The following NTRK3 variants were observed in gnomAD, a reference collection of about 807,000 sequenced individuals.
NTRK3 encodes the protein neurotrophic receptor tyrosine kinase 3, also known as NT-3 growth factor receptor.
In NTRK3, 24 loss-of-function variants were observed where a neutral mutation model predicts 91.7. That is an observed-to-expected ratio of 0.26 (90% CI 0.19 to 0.37). The LOEUF is 0.37. NTRK3 is among the 10% of genes least tolerant of loss of function. NTRK3 has a pLI of 1.00. For missense variants in NTRK3, 880 were observed against 1,068.9 expected (o/e 0.82, Z 2.46); for synonymous variants, 483 against 404.0 (o/e 1.20, Z -2.34).
chr15:88,183,553 G>GAGGCTGGCAGGGGGTGAGGCTA, intron 4 of NTRK3, 64 bp from the exon 5 acceptor site: 1 of 1,479,304 alleles, frequency 6.8e-7, no homozygotes, highest in Non-Finnish European at 9.5e-7. Context: ...GCTCTGGGCT[G>GAGGCTGGCAGGGGGTGAGGCTA]AGGCTGGCAG....
exon 19 of NTRK3, chr15:87,871,880 C>T (rs887499616): frequency 1.4e-5 from 3 of 221,218 alleles, no homozygotes; most frequent in African/African-American, 4.5e-5. Flanking sequence ...AACACCAAAA[C>T]ATTTTCCCAA....
At chr15:87,946,898 T>TTC (rs1567139033) in intron 14 of NTRK3, among the ~76,000 whole-genome samples, 1 of 129,178 alleles carries the variant, frequency 7.7e-6, no homozygotes, top group African/African-American at 3.4e-5. Context: ...TTTTTTTTTT[T>TTC]TGAGATGGAA....
intron 17 of NTRK3, among the ~76,000 whole-genome samples, chr15:87,912,929 A>ATATATAT (rs1555435273): frequency 0.035 from 518 of 14,660 alleles, 2 homozygotes; most frequent in South Asian, 0.062. Flanking sequence ...AAAGTAAAAA[A>ATATATAT]AAATATATAT....
At position 87,954,693 on chromosome 15, in the gene NTRK3, T is replaced by A. The variant is rs574912148; in HGVS notation, c.1586-13940A>T. On this transcript the variant is annotated intron_variant, in intron 14 of 18. Transcript: ENST00000394480. ...TTCTAGCTGGCCAGGGTTTGGGAAA[T>A]GGAATTTGCTGTTCAGTGCCCATGG... Among the ~76,000 whole-genome samples the A allele has an allele frequency of 9.8e-5, 15 of 152,344 alleles. No individual in the cohort carries two copies. The East Asian group carries it at 1.5e-3, about 16-fold the overall frequency.
intron 3 of NTRK3, among the ~76,000 whole-genome samples, chr15:88,238,526 C>G (rs781144919): frequency 6.6e-6 from 1 of 152,208 alleles, no homozygotes; most frequent in African/African-American, 2.4e-5. Context: ...CTCTCTCCCT[C>G]TCTCCCTAGA....
intron 14 of NTRK3, among the ~76,000 whole-genome samples, chr15:87,974,029 G>C (rs979536073): frequency 6.6e-6 from 1 of 152,128 alleles, no homozygotes; most frequent in Non-Finnish European, 1.5e-5. Context: ...TGATCTGCCC[G>C]CTCCTGAGCT....
chr15:88,007,771 T>A (rs1466570841), intron 14 of NTRK3, among the ~76,000 whole-genome samples: 1 of 152,206 alleles, frequency 6.6e-6, no homozygotes, highest in Non-Finnish European at 1.5e-5. Flanking sequence ...TCTTCCTGTC[T>A]TCTGCACACA....
intron 14 of NTRK3, among the ~76,000 whole-genome samples, chr15:87,966,493 G>C (rs193158751): frequency 6.6e-6 from 1 of 152,040 alleles, no homozygotes; most frequent in Non-Finnish European, 1.5e-5. Flanking sequence ...AAGGGGTCTC[G>C]CGTACATATG....
At chr15:88,078,034 C>G (rs1271989935) in intron 13 of NTRK3, among the ~76,000 whole-genome samples, 3 of 152,226 alleles carry the variant, frequency 2.0e-5, no homozygotes, top group Non-Finnish European at 4.4e-5. Flanking sequence ...GCAGCAAAGA[C>G]AGCAACCCCC....
chr15:88,223,832 G>C (rs1315988878), intron 3 of NTRK3, among the ~76,000 whole-genome samples: 2 of 152,182 alleles, frequency 1.3e-5, no homozygotes, highest in Non-Finnish European at 2.9e-5. Context: ...TTCGGCCCAG[G>C]GTAGAGGCTA....
intron 3 of NTRK3, among the ~76,000 whole-genome samples, chr15:88,214,796 A>G (rs1041018298): frequency 2.6e-5 from 4 of 151,886 alleles, no homozygotes; most frequent in Non-Finnish European, 5.9e-5. Context: ...TGAATTTACC[A>G]TTTTGTCCCA....
intron 3 of NTRK3, among the ~76,000 whole-genome samples, chr15:88,189,139 T>G (rs530208286): frequency 3.9e-5 from 6 of 152,268 alleles, no homozygotes; most frequent in East Asian, 1.9e-4. Context: ...GGTAGACCCC[T>G]GGGATCAAGA....
rs1408901445 is a variant in NTRK3, at chr15:88,000,389, T to C, written c.1585+32468A>G. The stretch of plus-strand genomic sequence containing the variant: ...GCAGTGTATACCAGGCAGGGTTTTT[T>C]TCTCTTAGAATCATTTATGGAAATA... On this transcript the variant is annotated intron_variant, in intron 14 of 18. Coordinates refer to ENST00000394480, the Ensembl canonical transcript of NTRK3. Among the ~76,000 whole-genome samples, 8 of 152,278 alleles carry C rather than the reference T, an allele frequency of 5.3e-5. No individual in the cohort carries two copies. In the South Asian group the frequency reaches 1.7e-3, roughly 32 times the overall value.
At chr15:88,172,814 C>T (rs564755555) in intron 5 of NTRK3, among the ~76,000 whole-genome samples, 19 of 152,196 alleles carry the variant, frequency 1.2e-4, no homozygotes, top group Admixed American at 9.2e-4. Context: ...GACCACAGGG[C>T]GTCTGGAGGA....
At chr15:88,048,508 C>G (rs1216997460) in intron 13 of NTRK3, among the ~76,000 whole-genome samples, 1 of 152,084 alleles carries the variant, frequency 6.6e-6, no homozygotes, top group African/African-American at 2.4e-5. Context: ...ATGTGGGATG[C>G]AGGTTTTTCC....
chr15:88,146,311 G>A (rs1400913699), intron 6 of NTRK3, among the ~76,000 whole-genome samples: 1 of 152,110 alleles, frequency 6.6e-6, no homozygotes, highest in East Asian at 1.9e-4. Context: ...GCTAGGTGAA[G>A]GGAAAACAAG....
intron 14 of NTRK3, among the ~76,000 whole-genome samples, chr15:87,989,073 A>T (rs575422813): frequency 6.6e-6 from 1 of 152,320 alleles, no homozygotes; most frequent in East Asian, 1.9e-4. Flanking sequence ...AACTAGTTCA[A>T]CCATTGTGGA....
chr15:87,979,861 T>TA (rs1235556780), intron 14 of NTRK3, among the ~76,000 whole-genome samples: 5 of 152,100 alleles, frequency 3.3e-5, no homozygotes, highest in Non-Finnish European at 7.4e-5. Context: ...ACTTAGGGGC[T>TA]AAGGGATGGG....
chr15:88,155,960 A>G (rs1018550761), intron 5 of NTRK3, among the ~76,000 whole-genome samples: 3 of 152,166 alleles, frequency 2.0e-5, no homozygotes, highest in Non-Finnish European at 4.4e-5. Flanking sequence ...CTTGATAGCC[A>G]TGAGTGGCCA....
Sources: gnomAD v4.1 joint callset for allele counts (sites outside exome capture counted in the v4.1 genomes callset) on GRCh38, gnomAD v4.1.1 for gene constraint, MANE v1.5 for transcripts, NCBI Gene and HGNC (gene_info 2026-07-23, HGNC 2026-07-21) for gene names.